SPAM1: variants seen among roughly 807,000 people sequenced by gnomAD.
SPAM1 encodes hyaluronidase PH-20.
In SPAM1, 22 loss-of-function variants were observed where a neutral mutation model predicts 29.6. The ratio of observed to expected loss-of-function variants is 0.74; its 90% CI spans 0.53 to 1.06. SPAM1 has a LOEUF of 1.06. Among genes scored for constraint, SPAM1 ranks in the 50% least tolerant of loss-of-function variants. The pLI is 0.00. For missense variants in SPAM1, 534 were observed against 604.0 expected, an observed-to-expected ratio of 0.88 and a Z score of 1.21; for synonymous variants, 194 against 204.6, an observed-to-expected ratio of 0.95 and a Z score of 0.44.
intron 1 of SPAM1, chr7:123,947,907 A>G (rs531642133): frequency 6.6e-6 from 1 of 152,304 alleles, no homozygotes; most frequent in East Asian, 1.9e-4. Context: ...TTCAGCCTCA[A>G]GAATCTCTGG....
At chr7:123,939,728 T>C (rs944476092) in intron 1 of SPAM1, among the ~76,000 whole-genome samples, 1 of 152,182 alleles carries the variant, frequency 6.6e-6, no homozygotes, top group African/African-American at 2.4e-5. Context: ...TTGGGTGTCC[T>C]TCCTTTCAGA....
chr7:123,969,335 T>C (rs1792468069), intron 5 of SPAM1, among the ~76,000 whole-genome samples: 1 of 152,056 alleles, frequency 6.6e-6, no homozygotes, highest in Admixed American at 6.6e-5. Flanking sequence ...CTTGTGTTTT[T>C]GAGGTCTTAG....
chr7:123,970,592 A>AAATAAT (rs150055865), intron 6 of SPAM1, among the ~76,000 whole-genome samples: 4 of 146,246 alleles, frequency 2.7e-5, no homozygotes, highest in Non-Finnish European at 6.0e-5. Context: ...CCATCTCTAC[A>AAATAAT]AATAATAATA....
At chr7:123,962,924 T>A (rs911052310), downstream of SPAM1, among the ~76,000 whole-genome samples, 1 of 151,830 alleles carries the variant, frequency 6.6e-6, no homozygotes, top group African/African-American at 2.4e-5. Flanking sequence ...TAGCAATATA[T>A]TTTGGGTGTT....
At chr7:123,962,909 C>A (rs1307487989), downstream of SPAM1, among the ~76,000 whole-genome samples, 1 of 151,674 alleles carries the variant, frequency 6.6e-6, no homozygotes, top group Non-Finnish European at 1.5e-5. Flanking sequence ...AACTTGCTTT[C>A]CATATAGCAA....
chr7:123,947,718 A>G (rs1808631069), intron 1 of SPAM1: 2 of 152,124 alleles, frequency 1.3e-5, no homozygotes, highest in South Asian at 4.1e-4. Flanking sequence ...AATACTGCAG[A>G]GCTAATAGAT....
At chr7:123,930,239 T>C (rs574017961) in intron 1 of SPAM1, among the ~76,000 whole-genome samples, 1 of 152,280 alleles carries the variant, frequency 6.6e-6, no homozygotes, top group Non-Finnish European at 1.5e-5. Context: ...TCTAAAAATC[T>C]TTTCAAATAT....
At chr7:123,942,941 A>C (rs1193516245) in intron 1 of SPAM1, among the ~76,000 whole-genome samples, 2 of 152,232 alleles carry the variant, frequency 1.3e-5, no homozygotes, top group Non-Finnish European at 2.9e-5. Context: ...CACTTATGCA[A>C]ATAACTATAT....
intron 1 of SPAM1, among the ~76,000 whole-genome samples, chr7:123,929,103 G>A (rs1807987107): frequency 6.6e-6 from 1 of 152,148 alleles, no homozygotes. Context: ...TCCAATAAAG[G>A]TGGAAATAAT....
intron 1 of SPAM1, among the ~76,000 whole-genome samples, chr7:123,941,045 T>C (rs1808412148): frequency 6.6e-6 from 1 of 152,334 alleles, no homozygotes; most frequent in East Asian, 1.9e-4. Context: ...GTGTGAGTTA[T>C]ATCTCTATGT....
intron 1 of SPAM1, among the ~76,000 whole-genome samples, chr7:123,931,522 C>T (rs961284528): frequency 1.3e-5 from 2 of 152,170 alleles, no homozygotes; most frequent in Non-Finnish European, 2.9e-5. Flanking sequence ...AGGCTATTAG[C>T]ATTAGATCCT....
At chr7:123,965,051 T>C (rs971097261) in intron 5 of SPAM1, among the ~76,000 whole-genome samples, 1 of 152,004 alleles carries the variant, frequency 6.6e-6, no homozygotes, top group African/African-American at 2.4e-5. Context: ...TACATACAAC[T>C]TCTGATTTAA....
In SPAM1 at chr7:123,955,051, G is replaced by C; in HGVS notation, c.1009G>C (p.Val337Leu). The C allele has an allele frequency of 6.2e-7, 1 of 1,611,308 alleles. No individual in the cohort carries two copies. The highest frequency in any genetic ancestry group is 8.5e-7 in the Non-Finnish European group (1 of 1,177,966). The change falls in exon 4 of 5, where the codon GTA (valine) becomes CTA (leucine). Residue 337 changes from valine to leucine, a missense_variant. By Grantham distance (32) the Val-to-Leu change is conservative. Transcript: ENST00000682466. ...TGTTGCTCTGGGTGCTTCTGGAATT[G>C]TAATATGGGGAACCCTCAGTATAAT... Reference protein sequence around the residue: ...ETVALGASGIVIWGTLSIMRS... With the variant: ...ETVALGASGILIWGTLSIMRS...
chr7:123,943,945 A>T (rs1264309618), intron 1 of SPAM1, among the ~76,000 whole-genome samples: 1 of 152,154 alleles, frequency 6.6e-6, no homozygotes, highest in Non-Finnish European at 1.5e-5. Context: ...TCTTGACCAT[A>T]AGATATAATT....
At chr7:123,968,718 G>C (rs1367674754) in intron 5 of SPAM1, among the ~76,000 whole-genome samples, 1 of 151,914 alleles carries the variant, frequency 6.6e-6, no homozygotes, top group Non-Finnish European at 1.5e-5. Context: ...ATGGTTTCTA[G>C]AGCCAGACTA....
intron 1 of SPAM1, chr7:123,926,147 C>T (rs1464465705): frequency 6.6e-6 from 1 of 152,202 alleles, no homozygotes; most frequent in Non-Finnish European, 1.5e-5. Flanking sequence ...GGTAGTTACT[C>T]TGTGTTCACC....
intron 1 of SPAM1, among the ~76,000 whole-genome samples, chr7:123,928,433 T>G (rs1807965078): frequency 1.3e-5 from 2 of 152,108 alleles, no homozygotes; most frequent in Admixed American, 6.5e-5. Flanking sequence ...ATGGTGGCAT[T>G]AAATTTACAT....
chr7:123,959,729 T>G lies in SPAM1; in HGVS notation c.1290T>G (p.Ser430=). ...KPTLEDLEQF[S]EKFYCSCYST... The stretch of plus-strand genomic sequence containing the variant: ...CACTTGAAGACCTGGAGCAATTTTC[T>G]GAAAAATTTTATTGCAGCTGTTATA... Residue 430 remains serine (S), a synonymous_variant, in exon 5 of 5, where the codon TCT becomes TCG. Coordinates refer to ENST00000682466, the MANE Select transcript of SPAM1 (RefSeq NM_153189.3). The G allele has an allele frequency of 6.2e-7, 1 of 1,613,320 alleles. No individual in the cohort carries two copies. Among genetic ancestry groups the G allele is most frequent in the Middle Eastern group, 1.7e-4 (1 of 6,050 alleles).
At chr7:123,962,879 C>T (rs1354261515), downstream of SPAM1, among the ~76,000 whole-genome samples, 1 of 151,672 alleles carries the variant, frequency 6.6e-6, no homozygotes, top group Non-Finnish European at 1.5e-5. Context: ...ACATTGGGCT[C>T]TGGTGCCATA....
Sources: gnomAD v4.1 joint callset for allele counts (sites outside exome capture counted in the v4.1 genomes callset) on GRCh38, gnomAD v4.1.1 for gene constraint, MANE v1.5 for transcripts, NCBI Gene and HGNC (gene_info 2026-07-23, HGNC 2026-07-21) for gene names.